Variants in TAMM41 observed in about 807,000 individuals in gnomAD.
The protein encoded by TAMM41 is TAM41 mitochondrial translocator assembly and maintenance homolog.
In TAMM41, 36 loss-of-function variants were observed where a neutral mutation model predicts 44.1. That is an observed-to-expected ratio of 0.82 (90% CI 0.63 to 1.08). The LOEUF (loss-of-function observed/expected upper bound fraction) is 1.08. Among genes scored for constraint, TAMM41 ranks in the 50% least tolerant of loss-of-function variants. TAMM41 has a pLI of 0.00. For missense variants in TAMM41, 417 were observed against 404.3 expected (o/e 1.03, Z -0.27); for synonymous variants, 164 against 153.1 (o/e 1.07, Z -0.53).
chr3:11,811,929 T>C (rs991025315), intron 5 of TAMM41, among the ~76,000 whole-genome samples: 1 of 152,144 alleles, frequency 6.6e-6, no homozygotes, highest in Non-Finnish European at 1.5e-5. Flanking sequence ...AGCTAATATT[T>C]TGTTATTATT....
chr3:11,725,613 T>A, the TAMM41 span, among the ~76,000 whole-genome samples: 1 of 152,076 alleles, frequency 6.6e-6, no homozygotes, highest in East Asian at 1.9e-4. Context: ...TAACTTTTTG[T>A]ATTTTTAGTA....
At chr3:11,741,609 CAACAGCAAAA>C in the TAMM41 span, among the ~76,000 whole-genome samples, 1 of 150,208 alleles carries the variant, frequency 6.7e-6, no homozygotes, top group Non-Finnish European at 1.5e-5. Context: ...GTTTGAAGTG[CAACAGCAAAA>C]CCAGCACAAA....
the TAMM41 span, among the ~76,000 whole-genome samples, chr3:11,740,493 G>C: frequency 6.6e-6 from 1 of 152,256 alleles, no homozygotes; most frequent in South Asian, 2.1e-4. Context: ...AGTTTTACTT[G>C]AATTCATGTA....
the TAMM41 span, among the ~76,000 whole-genome samples, chr3:11,728,963 G>A: frequency 3.4e-5 from 5 of 147,568 alleles, no homozygotes; most frequent in African/African-American, 7.5e-5. Flanking sequence ...AGCCGAGATC[G>A]CGCCATTGCA....
At chr3:11,838,253 C>G (rs548410612) in intron 3 of TAMM41, among the ~76,000 whole-genome samples, 3 of 152,288 alleles carry the variant, frequency 2.0e-5, no homozygotes, top group Admixed American at 6.5e-5. Context: ...CTCACTCTGT[C>G]GCCCAGGCTG....
chr3:11,731,111 T>C, the TAMM41 span, among the ~76,000 whole-genome samples: 3 of 152,222 alleles, frequency 2.0e-5, no homozygotes, highest in African/African-American at 7.2e-5. Context: ...GAGCCCCTAC[T>C]GCATGTAGTG....
intron 5 of TAMM41, among the ~76,000 whole-genome samples, chr3:11,813,881 T>G (rs901633102): frequency 1.4e-5 from 2 of 144,046 alleles, no homozygotes; most frequent in Non-Finnish European, 3.0e-5. Context: ...TATGTATATA[T>G]GTATATATGT....
chr3:11,758,771 T>C, the TAMM41 span, among the ~76,000 whole-genome samples: 1 of 152,296 alleles, frequency 6.6e-6, no homozygotes, highest in East Asian at 1.9e-4. Flanking sequence ...CCTCCCAGGT[T>C]CAAGTGATTC....
At chr3:11,816,021 G>C (rs1389669301) in intron 5 of TAMM41, among the ~76,000 whole-genome samples, 2 of 152,190 alleles carry the variant, frequency 1.3e-5, no homozygotes, top group African/African-American at 2.4e-5. Context: ...CTGTTAAACT[G>C]AGTGGTGGGT....
the TAMM41 span, among the ~76,000 whole-genome samples, chr3:11,774,748 G>C: frequency 8.5e-5 from 13 of 152,264 alleles, no homozygotes; most frequent in East Asian, 1.7e-3. Flanking sequence ...ACTTCTCATT[G>C]CAACTTCACA....
At chr3:11,745,730 T>C in the TAMM41 span, among the ~76,000 whole-genome samples, 1 of 152,178 alleles carries the variant, frequency 6.6e-6, no homozygotes, top group African/African-American at 2.4e-5. Flanking sequence ...ATTTGCAAGA[T>C]GAAGAAAGAT....
intron 2 of TAMM41, among the ~76,000 whole-genome samples, chr3:11,842,840 C>T (rs1273571277): frequency 6.6e-6 from 1 of 152,166 alleles, no homozygotes; most frequent in East Asian, 1.9e-4. Context: ...AGAGCTGGCA[C>T]AGCAAGTGAA....
At chr3:11,793,180 A>G (rs1575600104) in intron 7 of TAMM41, among the ~76,000 whole-genome samples, 1 of 152,198 alleles carries the variant, frequency 6.6e-6, no homozygotes, top group African/African-American at 2.4e-5. Context: ...TTCAGTAAGC[A>G]AAAGAGACAA....
At chr3:11,773,518 G>A in the TAMM41 span, among the ~76,000 whole-genome samples, 1 of 151,972 alleles carries the variant, frequency 6.6e-6, no homozygotes, top group Non-Finnish European at 1.5e-5. Context: ...ACCGTGCCCA[G>A]CCCCACCCCG....
the TAMM41 span, among the ~76,000 whole-genome samples, chr3:11,775,761 A>C: frequency 6.6e-5 from 10 of 152,194 alleles, no homozygotes; most frequent in Non-Finnish European, 1.5e-4. Flanking sequence ...GTTTATGTAT[A>C]TATACAGCCA....
At chr3:11,783,239 C>G in the TAMM41 span, among the ~76,000 whole-genome samples, 20 of 151,230 alleles carry the variant, frequency 1.3e-4, no homozygotes, top group African/African-American at 4.1e-4. Flanking sequence ...TATGGTTTTG[C>G]CAAACCACTT....
chr3:11,840,311 C>A (rs1208000300), intron 2 of TAMM41, among the ~76,000 whole-genome samples: 1 of 151,814 alleles, frequency 6.6e-6, no homozygotes, highest in Non-Finnish European at 1.5e-5. Flanking sequence ...CAGCTCACCA[C>A]AACCTCCGCC....
intron 3 of TAMM41, among the ~76,000 whole-genome samples, chr3:11,835,010 A>G (rs2079120274): frequency 6.6e-6 from 1 of 152,184 alleles, no homozygotes; most frequent in Non-Finnish European, 1.5e-5. Context: ...AAAGACTTGA[A>G]TTACTAGTGA....
chr3:11,775,187 T>C, the TAMM41 span, among the ~76,000 whole-genome samples: 1 of 143,672 alleles, frequency 7.0e-6, no homozygotes, highest in Non-Finnish European at 1.5e-5. Context: ...TAAGATGCAT[T>C]ATTTTTGTAC....
Sources: gnomAD v4.1 joint callset for allele counts (sites outside exome capture counted in the v4.1 genomes callset) on GRCh38, gnomAD v4.1.1 for gene constraint, MANE v1.5 for transcripts, NCBI Gene and HGNC (gene_info 2026-07-23, HGNC 2026-07-21) for gene names.